The following WBP4 variants were observed in gnomAD, a reference collection of about 807,000 sequenced individuals.
WBP4 encodes WW domain-binding protein 4.
In WBP4, 37 loss-of-function variants were observed where a neutral mutation model predicts 55.4. That is an observed-to-expected ratio of 0.67 (90% CI 0.51 to 0.88). WBP4 has a LOEUF of 0.88. Ranked by LOEUF, WBP4 falls within the 40% of genes least tolerant of loss-of-function variation. The probability of loss-of-function intolerance (pLI) is 0.00; values close to 1 mark genes in which losing one functional copy is unlikely to be tolerated. For missense variants in WBP4, 398 were observed against 420.8 expected (o/e 0.95, Z 0.47); for synonymous variants, 142 against 140.2 (o/e 1.01, Z -0.09).
At chr13:41,065,907 A>G (rs983887159) in intron 4 of WBP4, among the ~76,000 whole-genome samples, 1 of 152,222 alleles carries the variant, frequency 6.6e-6, no homozygotes, top group South Asian at 2.1e-4. Flanking sequence ...AACCAGGCAT[A>G]TAGCAGATCT....
chr13:41,067,452 G>A (rs1164712200), intron 4 of WBP4, among the ~76,000 whole-genome samples: 3 of 152,164 alleles, frequency 2.0e-5, no homozygotes, highest in East Asian at 1.9e-4. Flanking sequence ...AGGCCGGAGT[G>A]GGAGGATTGT....
intron 1 of WBP4, chr13:41,062,096 G>GTT (rs60658317): frequency 0.082 from 64,068 of 779,868 alleles, 638 homozygotes; most frequent in Non-Finnish European, 0.086. Flanking sequence ...TAGCGTAATG[G>GTT]TTTTTTTTTT....
At chr13:41,075,287 C>T (rs1163482592) in intron 7 of WBP4, among the ~76,000 whole-genome samples, 1 of 150,300 alleles carries the variant, frequency 6.7e-6, no homozygotes, top group Non-Finnish European at 1.5e-5. Context: ...CCCATTGCTG[C>T]CCCCCCACCC....
chr13:41,070,889 T>G (rs770829851), intron 5 of WBP4, among the ~76,000 whole-genome samples: 1 of 152,192 alleles, frequency 6.6e-6, no homozygotes, highest in Non-Finnish European at 1.5e-5. Context: ...CTATTATCAT[T>G]AGGATCATAA....
At chr13:41,081,498 CAAAAA>C (rs555764002) in intron 9 of WBP4, among the ~76,000 whole-genome samples, 1 of 81,158 alleles carries the variant, frequency 1.2e-5, no homozygotes, top group Admixed American at 1.5e-4. Context: ...ACCTTGTCTC[CAAAAA>C]AAAAAAAAAA....
chr13:41,079,181 A>C (rs1420921949), intron 8 of WBP4, among the ~76,000 whole-genome samples: 1 of 152,198 alleles, frequency 6.6e-6, no homozygotes, highest in Non-Finnish European at 1.5e-5. Flanking sequence ...TGGCCAAAAC[A>C]CATGAATAAT....
chr13:41,081,899 C>T (rs562593427), intron 9 of WBP4, among the ~76,000 whole-genome samples: 3 of 152,356 alleles, frequency 2.0e-5, no homozygotes, highest in African/African-American at 4.8e-5. Flanking sequence ...ACAGGTTTTA[C>T]GCTCTCAGCT....
chr13:41,063,525 A>G (rs955885461), intron 2 of WBP4, among the ~76,000 whole-genome samples: 2 of 151,776 alleles, frequency 1.3e-5, no homozygotes, highest in African/African-American at 4.8e-5. Flanking sequence ...GTTCTTCACT[A>G]TTTTACCTAG....
chr13:41,073,093 A>G lies in WBP4; in HGVS notation c.562+236A>G, dbSNP rs78894051. ...ATTCTCAGTTGATATTGCATTCACA[A>G]ACTTAAAAATAGAATCATTTTAGCT... On this transcript the variant is annotated intron_variant, in intron 7 of 9. Coordinates refer to ENST00000379487, the MANE Select transcript of WBP4 (RefSeq NM_007187.5). Among the ~76,000 whole-genome samples, 626 of 152,354 alleles carry G rather than the reference A, an allele frequency of 4.1e-3. 3 individuals are homozygous for G. The highest frequency in any genetic ancestry group is 0.014 in the African/African-American group (584 of 41,580).
intron 1 of WBP4, 29 bp downstream of exon 1, chr13:41,061,704 G>C (rs1246393819): frequency 6.2e-7 from 1 of 1,613,730 alleles, no homozygotes; most frequent in African/African-American, 1.3e-5. Flanking sequence ...CCTGAACAAC[G>C]AGGTGTTGTT....
chr13:41,078,456 T>C (rs1055345805), intron 8 of WBP4, among the ~76,000 whole-genome samples: 2 of 152,180 alleles, frequency 1.3e-5, no homozygotes, highest in Non-Finnish European at 1.5e-5. Flanking sequence ...AGAATGAAAC[T>C]GGACCCCTAC....
Position 41,068,615 on chromosome 13 carries a change from C to T in WBP4, c.317C>T (p.Thr106Ile), listed in dbSNP as rs1878084945. 2 of 1,613,136 alleles carry T rather than the reference C, an allele frequency of 1.2e-6. No individual in the cohort carries two copies. The highest frequency in any genetic ancestry group is 1.7e-6 in the Non-Finnish European group (2 of 1,179,752). ...PVTSTIPPTS[T>I]SNQQKEKKEK... ...ACCAGCACTATCCCACCTACCTCGA[C>T]ATCAAATCAACAGAAAGAAAAGAAA... The change falls in exon 5 of 10, where the codon ACA (threonine) becomes ATA (isoleucine). Residue 106 changes from threonine (T) to isoleucine (I), a missense_variant. Coordinates refer to ENST00000379487, the MANE Select transcript of WBP4 (RefSeq NM_007187.5).
chr13:41,064,784 T>G (rs937061946), intron 2 of WBP4, among the ~76,000 whole-genome samples: 1 of 152,148 alleles, frequency 6.6e-6, no homozygotes, highest in Non-Finnish European at 1.5e-5. Flanking sequence ...AAGGTCATCA[T>G]GGTTTATTTT....
chr13:41,076,506 C>A (rs1878501379), intron 8 of WBP4, among the ~76,000 whole-genome samples: 1 of 151,996 alleles, frequency 6.6e-6, no homozygotes, highest in Admixed American at 6.6e-5. Context: ...TGGTCTTGAT[C>A]TCCTGACCTC....
chr13:41,074,579 T>G (rs1230190713), intron 7 of WBP4, among the ~76,000 whole-genome samples: 1 of 152,214 alleles, frequency 6.6e-6, no homozygotes, highest in East Asian at 1.9e-4. Context: ...TGACTGTGGG[T>G]GTTACTGAGC....
chr13:41,080,938 C>A, intron 9 of WBP4, 129 bp downstream of exon 9: 1 of 979,848 alleles, frequency 1.0e-6, no homozygotes, highest in Non-Finnish European at 1.5e-6. Flanking sequence ...CCAGATGCAC[C>A]CCTGTAATCC....
chr13:41,070,817 G>A (rs528535934), intron 5 of WBP4, among the ~76,000 whole-genome samples: 1 of 152,206 alleles, frequency 6.6e-6, no homozygotes, highest in South Asian at 2.1e-4. Flanking sequence ...TAGGAAGGTA[G>A]GAAATAAGAT....
intron 5 of WBP4, among the ~76,000 whole-genome samples, chr13:41,069,864 G>C (rs1878157468): frequency 1.4e-5 from 2 of 147,012 alleles, no homozygotes; most frequent in African/African-American, 5.0e-5. Context: ...GGCAACAAGA[G>C]CGAAAGTCCA....
intron 8 of WBP4, among the ~76,000 whole-genome samples, chr13:41,080,219 A>G (rs1461291480): frequency 1.3e-5 from 2 of 152,216 alleles, no homozygotes; most frequent in Non-Finnish European, 2.9e-5. Flanking sequence ...TTTAAAAGAT[A>G]AATTATAGGA....
Sources: allele counts gnomAD v4.1 joint callset (sites outside exome capture counted in the v4.1 genomes callset), GRCh38; gene constraint gnomAD v4.1.1; transcripts MANE v1.5; gene names NCBI Gene and HGNC (gene_info 2026-07-23, HGNC 2026-07-21).